Variants in TBC1D19 observed in about 807,000 individuals in gnomAD.
TBC1D19 encodes the protein TBC1 domain family, member 19.
Under a neutral mutation model 89.0 loss-of-function variants are expected in TBC1D19, and 60 were observed. The observed-to-expected ratio is 0.67, with a 90% CI of 0.55 to 0.84. The LOEUF is 0.84. Among genes scored for constraint, TBC1D19 ranks in the 40% least tolerant of loss-of-function variants. The pLI is 0.00. For synonymous variants in TBC1D19, 189 were observed against 199.7 expected (o/e 0.95, Z 0.45); for missense variants, 500 against 610.8 (o/e 0.82, Z 1.91).
chr4:26,664,828 A>G (rs1396621346), intron 8 of TBC1D19, among the ~76,000 whole-genome samples: 1 of 151,998 alleles, frequency 6.6e-6, no homozygotes, highest in Non-Finnish European at 1.5e-5. Context: ...CCTAAGTTGT[A>G]TTTTAGTGAG....
chr4:26,754,366 T>A (rs1405222866), intron 20 of TBC1D19: 1 of 158,092 alleles, frequency 6.3e-6, no homozygotes, highest in Non-Finnish European at 1.4e-5. Context: ...TGAAATATGG[T>A]TCAATTAAAT....
chr4:26,615,119 G>A (rs1228080716), intron 3 of TBC1D19, among the ~76,000 whole-genome samples: 1 of 151,904 alleles, frequency 6.6e-6, no homozygotes, highest in Non-Finnish European at 1.5e-5. Flanking sequence ...ACTTTTTTAT[G>A]TCTTTATAAA....
At chr4:26,838,456 C>T in the TBC1D19 span, among the ~76,000 whole-genome samples, 11 of 152,064 alleles carry the variant, frequency 7.2e-5, no homozygotes, top group Non-Finnish European at 1.0e-4. Flanking sequence ...TCATGAAAAA[C>T]GGGAATAAAA....
chr4:26,765,924 G>A, the TBC1D19 span, among the ~76,000 whole-genome samples: 1 of 151,988 alleles, frequency 6.6e-6, no homozygotes, highest in Admixed American at 6.6e-5. Context: ...TCACTGCAAG[G>A]TTTTTTTGAA....
chr4:26,748,311 C>G, intron 18 of TBC1D19, 100 bp from the exon 19 acceptor site: 2 of 799,020 alleles, frequency 2.5e-6, no homozygotes, highest in Non-Finnish European at 4.1e-6. Context: ...CAGGTGATTT[C>G]TAAGACTCTT....
rs764019909 is a variant in TBC1D19, at chr4:26,637,286, G to A, written c.369+1G>A. On this transcript the variant is annotated splice_donor_variant, in intron 5 of 20. Transcript: ENST00000264866. LOFTEE classifies it high-confidence loss of function. Reference sequence around the variant, plus strand: ...ACTGAGTATCCCACTGGCACGAAAGGTACTTTTAAACATTTTTCTGTTTAA... The same window carrying A: ...ACTGAGTATCCCACTGGCACGAAAGATACTTTTAAACATTTTTCTGTTTAA... 6 of 1,606,058 alleles carry A rather than the reference G, an allele frequency of 3.7e-6. No individual in the cohort carries two copies. Among genetic ancestry groups the A allele is most frequent in the Non-Finnish European group, 8.5e-7 (1 of 1,175,986 alleles).
chr4:26,595,671 C>G (rs183027753), intron 1 of TBC1D19, among the ~76,000 whole-genome samples: 50 of 152,096 alleles, frequency 3.3e-4, no homozygotes, highest in Middle Eastern at 3.4e-3. Flanking sequence ...CTTCCTCCCC[C>G]CTCCTTTGCA....
intron 7 of TBC1D19, among the ~76,000 whole-genome samples, chr4:26,650,393 A>G (rs909376630): frequency 6.6e-6 from 1 of 152,078 alleles, no homozygotes; most frequent in African/African-American, 2.4e-5. Flanking sequence ...TGACTTTTTA[A>G]TGATCCTCAT....
chr4:26,691,379 G>T lies in TBC1D19; in HGVS notation c.954+2972G>T, dbSNP rs545091152. 1.4e-3 allele frequency among the ~76,000 whole-genome samples: 212 copies of T among 152,294 alleles called. 2 individuals are homozygous for T. The highest frequency in any genetic ancestry group is 5.8e-3 in the South Asian group (28 of 4,814). On this transcript the variant is annotated intron_variant, in intron 13 of 20. Transcript: ENST00000264866. Reference sequence around the variant, plus strand: ...AATTGACTCCAATTTTGAAAGTTCTGTGGGTAAAGTGCCAACAAACAAATA... The same window carrying T: ...AATTGACTCCAATTTTGAAAGTTCTTTGGGTAAAGTGCCAACAAACAAATA...
intron 7 of TBC1D19, among the ~76,000 whole-genome samples, chr4:26,654,222 A>G (rs1204086457): frequency 6.6e-6 from 1 of 152,212 alleles, no homozygotes; most frequent in Non-Finnish European, 1.5e-5. Context: ...TCTGGCTTGT[A>G]GAGTTGCTGC....
At chr4:26,760,223 G>T (rs1719410351), downstream of TBC1D19, among the ~76,000 whole-genome samples, 1 of 152,078 alleles carries the variant, frequency 6.6e-6, no homozygotes, top group African/African-American at 2.4e-5. Context: ...ATATTCTTTT[G>T]TAAAGTATCT....
chr4:26,701,899 G>A (rs902893992), intron 13 of TBC1D19, among the ~76,000 whole-genome samples: 1 of 152,132 alleles, frequency 6.6e-6, no homozygotes, highest in African/African-American at 2.4e-5. Context: ...TCAGCCAAAG[G>A]CCAATAATGG....
intron 1 of TBC1D19, among the ~76,000 whole-genome samples, chr4:26,592,894 A>G (rs1007022624): frequency 6.6e-6 from 1 of 152,220 alleles, no homozygotes; most frequent in Non-Finnish European, 1.5e-5. Flanking sequence ...AATCAATATC[A>G]TGAAAATGGC....
chr4:26,594,194 C>T (rs1477243038), intron 1 of TBC1D19, among the ~76,000 whole-genome samples: 1 of 152,072 alleles, frequency 6.6e-6, no homozygotes, highest in African/African-American at 2.4e-5. Flanking sequence ...TTTGTAGGGA[C>T]ATGGATGAAG....
the TBC1D19 span, chr4:26,857,601 G>C: frequency 6.6e-6 from 1 of 152,154 alleles, no homozygotes; most frequent in South Asian, 2.1e-4. Flanking sequence ...GCCGGAAGCC[G>C]GGCGGGCAGC....
the TBC1D19 span, among the ~76,000 whole-genome samples, chr4:26,784,149 T>C: frequency 1.3e-5 from 2 of 152,184 alleles, no homozygotes; most frequent in African/African-American, 4.8e-5. Flanking sequence ...TTCTTCATCC[T>C]TCCCAGGCAT....
At chr4:26,792,882 C>T in the TBC1D19 span, among the ~76,000 whole-genome samples, 2 of 152,212 alleles carry the variant, frequency 1.3e-5, no homozygotes, top group Non-Finnish European at 2.9e-5. Flanking sequence ...TCTACCCTGG[C>T]CAGGCTGGGC....
intron 13 of TBC1D19, among the ~76,000 whole-genome samples, chr4:26,714,198 G>A (rs1028164143): frequency 6.6e-6 from 1 of 152,034 alleles, no homozygotes; most frequent in Non-Finnish European, 1.5e-5. Context: ...AAATTAAAAA[G>A]AATGAGGCAG....
chr4:26,856,724 C>CT, the TBC1D19 span, among the ~76,000 whole-genome samples: 1 of 152,190 alleles, frequency 6.6e-6, no homozygotes, highest in Non-Finnish European at 1.5e-5. Flanking sequence ...TTCTAGTCCT[C>CT]TTTTTGTGGA....
Sources: gnomAD v4.1 joint callset for allele counts (sites outside exome capture counted in the v4.1 genomes callset) on GRCh38, gnomAD v4.1.1 for gene constraint, MANE v1.5 for transcripts, NCBI Gene and HGNC (gene_info 2026-07-23, HGNC 2026-07-21) for gene names.